PAQR5: variants seen among roughly 807,000 people sequenced by gnomAD.
PAQR5 encodes membrane progestin receptor gamma.
PAQR5 carries 20 observed loss-of-function variants against 34.5 expected under a neutral mutation model. That is an observed-to-expected ratio of 0.58 (90% CI 0.41 to 0.84). PAQR5 has a LOEUF of 0.84. Among genes scored for constraint, PAQR5 ranks in the 40% least tolerant of loss-of-function variants. The pLI is 0.00. For synonymous variants in PAQR5, 131 were observed against 155.6 expected (o/e 0.84, Z 1.18); for missense variants, 378 against 412.7 (o/e 0.92, Z 0.73).
At chr15:69,319,789 G>A (rs1370996694) in intron 1 of PAQR5, among the ~76,000 whole-genome samples, 2 of 152,280 alleles carry the variant, frequency 1.3e-5, no homozygotes, top group East Asian at 1.9e-4. Context: ...GCTGAATGAA[G>A]CCTGTCTCCT....
intron 3 of PAQR5, among the ~76,000 whole-genome samples, chr15:69,374,626 G>A (rs773325535): frequency 1.3e-5 from 2 of 152,146 alleles, no homozygotes; most frequent in East Asian, 1.9e-4. Context: ...GCAGGGAGCC[G>A]AGATCGCGCC....
intron 1 of PAQR5, among the ~76,000 whole-genome samples, chr15:69,324,189 C>A (rs559378591): frequency 5.3e-5 from 8 of 151,270 alleles, no homozygotes; most frequent in African/African-American, 1.9e-4. Flanking sequence ...CTAAGCCAAG[C>A]TGGGAGGTCA....
intron 3 of PAQR5, among the ~76,000 whole-genome samples, chr15:69,362,750 G>A (rs1222278513): frequency 6.6e-6 from 1 of 152,066 alleles, no homozygotes; most frequent in East Asian, 1.9e-4. Context: ...TCTCTCCTAG[G>A]CTCTTTAGGG....
At chr15:69,319,282 A>G (rs2054039485) in intron 1 of PAQR5, among the ~76,000 whole-genome samples, 1 of 150,060 alleles carries the variant, frequency 6.7e-6, no homozygotes, top group Non-Finnish European at 1.5e-5. Flanking sequence ...TTTTTGGACC[A>G]CCGTTGACTG....
chr15:69,350,640 C>A (rs2054892289), intron 2 of PAQR5, among the ~76,000 whole-genome samples: 1 of 151,212 alleles, frequency 6.6e-6, no homozygotes, highest in South Asian at 2.1e-4. Flanking sequence ...GAGACCCTTT[C>A]TCAAAAAAAT....
rs140481740 is a variant in PAQR5 at position 69,404,065 on chromosome 15, T to A, written c.*243T>A. 57 of 436,684 alleles carry A rather than the reference T, an allele frequency of 1.3e-4. No individual in the cohort carries two copies. Among genetic ancestry groups the A allele is most frequent in the African/African-American group, 1.1e-3 (53 of 50,000 alleles). 27.1% of individuals were successfully genotyped at this position (436,684 alleles called of 1,614,324 possible). The stretch of plus-strand genomic sequence containing the variant: ...AGCAAGTCCTTGTTAAGGCAAACTA[T>A]TGATATTTCATTAATTTTAAATTTA... On this transcript the variant is annotated 3_prime_UTR_variant, in exon 9 of 9. Coordinates refer to ENST00000395407, the MANE Select transcript of PAQR5 (RefSeq NM_017705.4).
At chr15:69,402,607 C>T (rs1216347821) in intron 8 of PAQR5, among the ~76,000 whole-genome samples, 3 of 152,196 alleles carry the variant, frequency 2.0e-5, no homozygotes, top group East Asian at 3.8e-4. Context: ...TGAACCACCG[C>T]GCCTGGCCTA....
At chr15:69,384,948 G>T in intron 5 of PAQR5, 66 bp downstream of exon 5, 1 of 1,214,932 alleles carries the variant, frequency 8.2e-7, no homozygotes, top group Non-Finnish European at 1.2e-6. Flanking sequence ...TCTCCTGTGA[G>T]CTAGGGTCAC....
At chr15:69,317,157 T>C (rs1655) in intron 1 of PAQR5, among the ~76,000 whole-genome samples, 62,216 of 152,104 alleles carry the variant, frequency 0.41, 13,016 homozygotes, top group African/African-American at 0.51. Flanking sequence ...TCAATAGTGG[T>C]GTTTCAAATC....
Position 69,405,968 on chromosome 15 carries a change from T to C in PAQR5, c.*2146T>C, listed in dbSNP as rs1421767132. 1 of 152,202 alleles carries C rather than the reference T, an allele frequency of 6.6e-6. No individual in the cohort carries two copies. Among genetic ancestry groups the C allele is most frequent in the African/African-American group, 2.4e-5 (1 of 41,444 alleles). The allele number at this position is 152,202 out of a possible 1,614,324, so 9.4% of individuals were successfully genotyped here. On this transcript the variant is annotated 3_prime_UTR_variant, in exon 9 of 9. Transcript: ENST00000395407. ...TGATTTGAAAGCTTCCTATGCAAAA[T>C]GAGAAGGGGTTCAAATATATTAATT...
At chr15:69,308,448 A>T (rs190607721) in intron 1 of PAQR5, among the ~76,000 whole-genome samples, 1 of 152,256 alleles carries the variant, frequency 6.6e-6, no homozygotes, top group Admixed American at 6.5e-5. Context: ...CTGCTGACAT[A>T]TTGGGCCAGA....
chr15:69,379,763 G>A, intron 3 of PAQR5, 120 bp from the exon 4 acceptor site: 1 of 1,341,058 alleles, frequency 7.5e-7, no homozygotes, highest in Non-Finnish European at 1.0e-6. Flanking sequence ...AGCTTAACAG[G>A]TTAAGGACTT....
At chr15:69,382,796 A>ATG (rs1408851418) in intron 4 of PAQR5, 6 of 1,864 alleles carry the variant, frequency 3.2e-3, no homozygotes, top group Admixed American at 6.5e-3. Flanking sequence ...ATATATATAT[A>ATG]TGACCATATA....
At chr15:69,356,090 G>A (rs1194217594) in intron 2 of PAQR5, among the ~76,000 whole-genome samples, 4 of 152,194 alleles carry the variant, frequency 2.6e-5, no homozygotes, top group Non-Finnish European at 5.9e-5. Context: ...TAAATAGTGT[G>A]AGAGTAGAGA....
chr15:69,380,673 C>T (rs779130352), intron 4 of PAQR5, among the ~76,000 whole-genome samples: 18 of 152,162 alleles, frequency 1.2e-4, no homozygotes, highest in Non-Finnish European at 2.2e-4. Context: ...TCACACACTG[C>T]ACACCTTTGC....
chr15:69,386,467 G>A (rs950480073), intron 5 of PAQR5, among the ~76,000 whole-genome samples: 5 of 152,002 alleles, frequency 3.3e-5, no homozygotes, highest in South Asian at 4.2e-4. Context: ...GGGAATGTGC[G>A]TGCCCCTGTC....
intron 5 of PAQR5, 67 bp downstream of exon 5, chr15:69,384,949 C>A: frequency 1.7e-6 from 2 of 1,184,108 alleles, no homozygotes; most frequent in Non-Finnish European, 1.2e-6. Flanking sequence ...CTCCTGTGAG[C>A]TAGGGTCACC....
At chr15:69,352,237 A>G (rs887588924) in intron 2 of PAQR5, among the ~76,000 whole-genome samples, 17 of 152,206 alleles carry the variant, frequency 1.1e-4, no homozygotes, top group African/African-American at 4.1e-4. Context: ...TTTGGGAGGC[A>G]GCTCTTGGCC....
Position 69,385,936 on chromosome 15 carries a change from TACAC to T in PAQR5, c.385+1058_385+1061del, listed in dbSNP as rs752888830. Among the ~76,000 whole-genome samples the T allele has an allele frequency of 1.4e-5, 2 of 146,762 alleles. No homozygotes were observed. Among genetic ancestry groups the T allele is most frequent in the Non-Finnish European group, 3.0e-5 (2 of 66,534 alleles). ...CTCACATACACACACTCACACCACA[TACAC>T]ACAATACACTCACATGCACACTCTC... On this transcript the variant is annotated intron_variant, in intron 5 of 8. Coordinates refer to ENST00000395407, the MANE Select transcript of PAQR5 (RefSeq NM_017705.4). The surrounding 1 kb of genome is among the most constrained non-coding windows in gnomAD (Gnocchi z 4.7).
Sources: gnomAD v4.1 joint callset for allele counts (sites outside exome capture counted in the v4.1 genomes callset) on GRCh38, gnomAD v4.1.1 for gene constraint, Gnocchi (gnomAD v3.1) non-coding constraint, MANE v1.5 for transcripts, NCBI Gene and HGNC (gene_info 2026-07-23, HGNC 2026-07-21) for gene names.